Variants in PRKCE observed in about 807,000 individuals in gnomAD.
PRKCE encodes the protein protein kinase C epsilon.
In PRKCE, 16 loss-of-function variants were observed where a neutral mutation model predicts 85.4. The ratio of observed to expected loss-of-function variants is 0.19; its 90% CI spans 0.13 to 0.28. The LOEUF is 0.28. Among genes scored for constraint, PRKCE ranks in the 10% least tolerant of loss-of-function variants. The pLI, the probability that PRKCE is intolerant of heterozygous loss-of-function variation, is 1.00. For synonymous variants in PRKCE, 388 were observed against 371.5 expected (o/e 1.04, Z -0.51); for missense variants, 573 against 975.2 (o/e 0.59, Z 5.49).
At chr2:45,870,700 C>G (rs991065724) in intron 2 of PRKCE, among the ~76,000 whole-genome samples, 3 of 152,150 alleles carry the variant, frequency 2.0e-5, no homozygotes, top group Admixed American at 2.0e-4. Flanking sequence ...ACAGTTTGTT[C>G]AAATCCAGTT....
At chr2:45,974,976 C>T (rs1006577127) in intron 2 of PRKCE, among the ~76,000 whole-genome samples, 6 of 152,182 alleles carry the variant, frequency 3.9e-5, no homozygotes, top group African/African-American at 1.4e-4. Flanking sequence ...TGATGAAAGC[C>T]ACTCAGATGA....
intron 2 of PRKCE, among the ~76,000 whole-genome samples, chr2:45,947,696 A>G (rs1700333916): frequency 6.6e-6 from 1 of 152,136 alleles, no homozygotes; most frequent in Non-Finnish European, 1.5e-5. Context: ...TAATTCTGTC[A>G]GTTTGATATT....
intron 14 of PRKCE, among the ~76,000 whole-genome samples, chr2:46,166,382 A>G (rs1017699427): frequency 6.6e-6 from 1 of 152,218 alleles, no homozygotes; most frequent in Non-Finnish European, 1.5e-5. Context: ...ATCCCCCTGG[A>G]CTGTGTCCAC....
chr2:45,884,152 G>A (rs1227143557), intron 2 of PRKCE, among the ~76,000 whole-genome samples: 3 of 152,226 alleles, frequency 2.0e-5, no homozygotes, highest in African/African-American at 7.2e-5. Context: ...CACTGTTTCA[G>A]GTGGAGGGGA....
chr2:46,066,306 A>G (rs13405039), intron 10 of PRKCE, among the ~76,000 whole-genome samples: 20,909 of 152,184 alleles, frequency 0.14, 1,644 homozygotes, highest in African/African-American at 0.2. Context: ...CCCCAAGAAA[A>G]TGTTGAAGTA....
At chr2:46,053,846 A>G (rs903395251) in intron 10 of PRKCE, among the ~76,000 whole-genome samples, 1 of 152,148 alleles carries the variant, frequency 6.6e-6, no homozygotes, top group Non-Finnish European at 1.5e-5. Flanking sequence ...ATATCTCTTC[A>G]AGACCCTGTT....
At chr2:45,876,752 C>G (rs998137589) in intron 2 of PRKCE, among the ~76,000 whole-genome samples, 1 of 152,204 alleles carries the variant, frequency 6.6e-6, no homozygotes, top group African/African-American at 2.4e-5. Flanking sequence ...TTTACCTCAT[C>G]TCTTATAAAC....
At chr2:46,013,928 A>G (rs1007689380) in intron 10 of PRKCE, among the ~76,000 whole-genome samples, 10 of 152,184 alleles carry the variant, frequency 6.6e-5, no homozygotes, top group African/African-American at 1.9e-4. Flanking sequence ...ACGGTGACCA[A>G]TGGCAATGGT....
At chr2:45,932,278 A>G (rs1446962362) in intron 2 of PRKCE, among the ~76,000 whole-genome samples, 1 of 152,228 alleles carries the variant, frequency 6.6e-6, no homozygotes, top group Non-Finnish European at 1.5e-5. Flanking sequence ...ATTGCTGTAG[A>G]CTAGTCCATT....
intron 1 of PRKCE, among the ~76,000 whole-genome samples, chr2:45,805,974 C>A (rs896041462): frequency 6.6e-6 from 1 of 152,214 alleles, no homozygotes; most frequent in Non-Finnish European, 1.5e-5. Context: ...GGTCAAGGAG[C>A]TTGCCCAAGG....
intron 2 of PRKCE, among the ~76,000 whole-genome samples, chr2:45,875,956 T>G (rs1417565685): frequency 3.3e-5 from 5 of 152,204 alleles, no homozygotes; most frequent in African/African-American, 1.2e-4. Context: ...GGTTTTAGAA[T>G]TTCAAAGTTA....
chr2:46,133,102 C>A (rs1441359264), intron 11 of PRKCE, among the ~76,000 whole-genome samples: 1 of 152,192 alleles, frequency 6.6e-6, no homozygotes, highest in African/African-American at 2.4e-5. Context: ...AGCTTCTGGT[C>A]CTGACAAAGG....
intron 1 of PRKCE, among the ~76,000 whole-genome samples, chr2:45,734,783 C>T (rs1321148928): frequency 1.3e-5 from 2 of 152,204 alleles, no homozygotes; most frequent in Non-Finnish European, 2.9e-5. Context: ...AGCTGCGCCC[C>T]TCCTCCCCAG....
At chr2:45,889,347 C>T (rs932741443) in intron 2 of PRKCE, among the ~76,000 whole-genome samples, 3 of 152,094 alleles carry the variant, frequency 2.0e-5, no homozygotes, top group Admixed American at 2.0e-4. Flanking sequence ...CTGCACCAGG[C>T]ATAAATGGTC....
rs976193425 is a variant in PRKCE at position 45,988,902 on chromosome 2, G to A, written c.823+4222G>A. On this transcript the variant is annotated intron_variant, in intron 6 of 14. Transcript: ENST00000306156. Reference sequence around the variant, plus strand: ...GCCTCTCTGGGGCCCTTTTCCACCTGTTTTATTTTCCCATTGACACATGGA... The same window carrying A: ...GCCTCTCTGGGGCCCTTTTCCACCTATTTTATTTTCCCATTGACACATGGA... Among the ~76,000 whole-genome samples the A allele has an allele frequency of 4.6e-5, 7 of 152,190 alleles. 1 individual carries two copies. Among genetic ancestry groups the A allele is most frequent in the African/African-American group, 1.4e-4 (6 of 41,442 alleles).
intron 1 of PRKCE, among the ~76,000 whole-genome samples, chr2:45,833,162 A>G (rs1202059802): frequency 6.6e-6 from 1 of 152,014 alleles, no homozygotes; most frequent in Non-Finnish European, 1.5e-5. Flanking sequence ...AAGAAAAGAA[A>G]AGAAAGAAAA....
intron 10 of PRKCE, among the ~76,000 whole-genome samples, chr2:46,067,388 T>A (rs141274289): frequency 1.3e-3 from 193 of 152,310 alleles, no homozygotes; most frequent in Non-Finnish European, 1.9e-3. Context: ...TGAGGTGACA[T>A]CTGAGAGGCA....
At chr2:45,862,777 G>A (rs1558765178) in intron 2 of PRKCE, among the ~76,000 whole-genome samples, 1 of 152,188 alleles carries the variant, frequency 6.6e-6, no homozygotes, top group Non-Finnish European at 1.5e-5. Context: ...GTGTTTATAT[G>A]TGTGTGGTGT....
At chr2:46,103,887 G>C (rs780761116) in intron 11 of PRKCE, among the ~76,000 whole-genome samples, 1 of 152,136 alleles carries the variant, frequency 6.6e-6, no homozygotes, top group African/African-American at 2.4e-5. Flanking sequence ...GGCAGAGATG[G>C]AAAGGAGGAG....
Sources: allele counts gnomAD v4.1 joint callset (sites outside exome capture counted in the v4.1 genomes callset), GRCh38; gene constraint gnomAD v4.1.1; transcripts MANE v1.5; gene names NCBI Gene and HGNC (gene_info 2026-07-23, HGNC 2026-07-21).